ZNF469: variants seen among roughly 807,000 people sequenced by gnomAD.
The protein encoded by ZNF469 is zinc finger protein 469.
ZNF469 carries 1 observed loss-of-function variant against 1.0 expected under a neutral mutation model. The observed-to-expected ratio is 1.00, with a 90% CI of 0.35 to 4.73. The LOEUF (loss-of-function observed/expected upper bound fraction) is 4.73, where lower values mean the gene tolerates loss of function less well. Ranked by LOEUF, ZNF469 falls within the 30% of genes most tolerant of loss-of-function variation. The pLI is 0.16. For missense variants in ZNF469, 6,100 were observed against 5,356.3 expected (o/e 1.14, Z -4.33); for synonymous variants, 2,703 against 2,363.4 (o/e 1.14, Z -4.17).
chr16:88,205,754 A>G, the ZNF469 span, among the ~76,000 whole-genome samples: 3 of 152,282 alleles, frequency 2.0e-5, no homozygotes, highest in South Asian at 2.1e-4. The surrounding 1 kb of genome is among the most constrained non-coding windows in gnomAD (Gnocchi z 4.2). Flanking sequence ...GACGTTTTCT[A>G]TGGGGAGGAA....
chr16:88,360,213 T>C, the ZNF469 span, among the ~76,000 whole-genome samples: 1 of 151,780 alleles, frequency 6.6e-6, no homozygotes, highest in East Asian at 1.9e-4. Flanking sequence ...AGAGATGAGG[T>C]TTCTCCACGT....
At chr16:88,363,794 A>G in the ZNF469 span, among the ~76,000 whole-genome samples, 1 of 152,226 alleles carries the variant, frequency 6.6e-6, no homozygotes, top group Non-Finnish European at 1.5e-5. Flanking sequence ...CCCCTCCAAC[A>G]TCAGCCTGCC....
At chr16:88,185,350 GCA>G in the ZNF469 span, among the ~76,000 whole-genome samples, 2 of 151,402 alleles carry the variant, frequency 1.3e-5, no homozygotes, top group African/African-American at 2.4e-5. Context: ...TACAATGCAT[GCA>G]CACACAAACA....
the ZNF469 span, among the ~76,000 whole-genome samples, chr16:88,234,615 G>A: frequency 6.6e-6 from 1 of 152,194 alleles, no homozygotes. Context: ...CGGTTTGGAC[G>A]CAGCCCGTGG....
chr16:88,190,118 C>A, the ZNF469 span, among the ~76,000 whole-genome samples: 1 of 151,494 alleles, frequency 6.6e-6, no homozygotes, highest in Non-Finnish European at 1.5e-5. Flanking sequence ...GGCTTTAGAC[C>A]AGTGGACGGG....
the ZNF469 span, among the ~76,000 whole-genome samples, chr16:88,353,403 C>T: frequency 5.3e-5 from 8 of 152,158 alleles, no homozygotes; most frequent in East Asian, 1.9e-4. Context: ...TGTGACCCGG[C>T]GCCCACCTCC....
the ZNF469 span, among the ~76,000 whole-genome samples, chr16:88,142,334 C>T: frequency 6.6e-6 from 1 of 152,238 alleles, no homozygotes; most frequent in Non-Finnish European, 1.5e-5. Context: ...GGCACCTGAC[C>T]TTCACCTCCT....
chr16:88,221,318 A>C, the ZNF469 span, among the ~76,000 whole-genome samples: 1 of 152,232 alleles, frequency 6.6e-6, no homozygotes, highest in Admixed American at 6.5e-5. Context: ...CTCGAGCGAG[A>C]TAGCGCAGAG....
At chr16:88,269,324 C>T in the ZNF469 span, among the ~76,000 whole-genome samples, 6 of 152,128 alleles carry the variant, frequency 3.9e-5, no homozygotes, top group Admixed American at 1.3e-4. Flanking sequence ...CCCAGGCGGC[C>T]GGGCCTATGA....
At chr16:88,327,754 C>T in the ZNF469 span, among the ~76,000 whole-genome samples, 11 of 152,198 alleles carry the variant, frequency 7.2e-5, no homozygotes, top group Non-Finnish European at 1.3e-4. Context: ...GCTTAGACCC[C>T]GCACCACAGG....
intron 1 of ZNF469, among the ~76,000 whole-genome samples, chr16:88,397,605 ATGGATGGATGGATGGG>A (rs1555516241): frequency 6.8e-6 from 1 of 147,010 alleles, no homozygotes; most frequent in South Asian, 2.1e-4. Context: ...TATATGTGTG[ATGGATGGATGGATGGG>A]TGGATGGATG....
the ZNF469 span, among the ~76,000 whole-genome samples, chr16:88,367,027 C>G: frequency 2.0e-5 from 3 of 152,200 alleles, no homozygotes; most frequent in East Asian, 1.9e-4. Flanking sequence ...CCACCACCAA[C>G]ATCATCACCA....
the ZNF469 span, among the ~76,000 whole-genome samples, chr16:88,229,540 C>A: frequency 4.0e-5 from 6 of 148,360 alleles, no homozygotes; most frequent in Non-Finnish European, 8.9e-5. Context: ...TGATGTCACG[C>A]GTGTGGATGT....
At chr16:88,336,925 C>A in the ZNF469 span, among the ~76,000 whole-genome samples, 2 of 152,326 alleles carry the variant, frequency 1.3e-5, no homozygotes, top group East Asian at 3.9e-4. Context: ...TGGGCATTTC[C>A]TGTGAGCAGA....
At chr16:88,233,317 C>T in the ZNF469 span, among the ~76,000 whole-genome samples, 2 of 152,226 alleles carry the variant, frequency 1.3e-5, no homozygotes, top group African/African-American at 4.8e-5. Flanking sequence ...CGCCAACCTT[C>T]AGCACTGGGG....
At position 88,431,819 on chromosome 16, in the gene ZNF469, T is replaced by C; in HGVS notation, c.4349T>C (p.Leu1450Ser). The change falls in exon 3 of 3, where the codon TTG (leucine) becomes TCG (serine). Residue 1450 changes from leucine (L) to serine (S), a missense_variant. Leu to Ser is a moderately radical substitution (Grantham distance 145). Coordinates refer to ENST00000565624, the MANE Select transcript of ZNF469 (RefSeq NM_001367624.2). ...GGCAGGGCTGCATCGCCACCGACCT[T>C]GGAGTCCTCATCCCTCTTCCCAGAC... ...EPGRAASPPT[L>S]ESSSLFPDLP... The C allele has an allele frequency of 6.5e-7, 1 of 1,549,726 alleles. No homozygotes were observed. Among genetic ancestry groups the C allele is most frequent in the Non-Finnish European group, 8.7e-7 (1 of 1,146,914 alleles).
At chr16:88,320,866 C>G in the ZNF469 span, among the ~76,000 whole-genome samples, 4 of 152,226 alleles carry the variant, frequency 2.6e-5, no homozygotes, top group African/African-American at 9.6e-5. Context: ...ACGCCCAACA[C>G]GAGTCCACAG....
At chr16:88,358,449 G>A in the ZNF469 span, among the ~76,000 whole-genome samples, 10 of 152,128 alleles carry the variant, frequency 6.6e-5, no homozygotes, top group Non-Finnish European at 1.3e-4. Flanking sequence ...TCTGTAAAAT[G>A]AACCTGCCCA....
At chr16:88,216,493 C>CAAAAAAA in the ZNF469 span, among the ~76,000 whole-genome samples, 1 of 136,642 alleles carries the variant, frequency 7.3e-6, no homozygotes. Flanking sequence ...GACTCCGTCT[C>CAAAAAAA]AAAAAAAAAA....
Sources: gnomAD v4.1 joint callset for allele counts (sites outside exome capture counted in the v4.1 genomes callset) on GRCh38, gnomAD v4.1.1 for gene constraint, Gnocchi (gnomAD v3.1) non-coding constraint, MANE v1.5 for transcripts, NCBI Gene and HGNC (gene_info 2026-07-23, HGNC 2026-07-21) for gene names.